Variants in CHAF1B observed in about 807,000 individuals in gnomAD.
CHAF1B encodes CAF-1 subunit B.
In CHAF1B, 10 loss-of-function variants were observed where a neutral mutation model predicts 60.7. That is an observed-to-expected ratio of 0.16 (90% CI 0.10 to 0.28). The LOEUF (loss-of-function observed/expected upper bound fraction) is 0.28. CHAF1B is among the 10% of genes least tolerant of loss of function. CHAF1B has a pLI of 1.00. For synonymous variants in CHAF1B, 261 were observed against 266.1 expected (o/e 0.98, Z 0.19); for missense variants, 558 against 708.4 (o/e 0.79, Z 2.41).
intron 4 of CHAF1B, among the ~76,000 whole-genome samples, chr21:36,393,078 G>A (rs566132460): frequency 7.9e-5 from 12 of 152,320 alleles, no homozygotes; most frequent in East Asian, 7.7e-4. Context: ...CAGGCGTGGC[G>A]GCGTGCGCCT....
chr21:36,416,503 G>T lies in CHAF1B; in HGVS notation c.*137G>T. 1 of 581,244 alleles carries T rather than the reference G, an allele frequency of 1.7e-6. No individual in the cohort carries two copies. The allele number at this position is 581,244 out of a possible 1,614,324, so 36.0% of individuals were successfully genotyped here. On this transcript the variant is annotated 3_prime_UTR_variant, in exon 14 of 14. Coordinates refer to ENST00000314103, the MANE Select transcript of CHAF1B (RefSeq NM_005441.3). Reference sequence around the variant, plus strand: ...TGGATTTCTATAACAGAAGTGACATGTGTACTGATTTTTCTCCAGAAATAT... The same window carrying T: ...TGGATTTCTATAACAGAAGTGACATTTGTACTGATTTTTCTCCAGAAATAT...
rs1457704054 is a variant in CHAF1B at position 36,416,528 on chromosome 21, T to C, written c.*162T>C. 5 of 526,354 alleles carry C rather than the reference T, an allele frequency of 9.5e-6. No individual in the cohort carries two copies. The highest frequency in any genetic ancestry group is 3.8e-5 in the African/African-American group (2 of 53,254). 32.6% of individuals were successfully genotyped at this position (526,354 alleles called of 1,614,324 possible). A position where few individuals can be genotyped will look rare whatever the true frequency, so the allele number is the denominator to read the frequency against. ...GTGTACTGATTTTTCTCCAGAAATA[T>C]GGATGCTGTTGTATTCAGTATCCAT... On this transcript the variant is annotated 3_prime_UTR_variant, in exon 14 of 14. Transcript: ENST00000314103.
At chr21:36,403,477 A>AAT (rs1461289218) in intron 8 of CHAF1B, among the ~76,000 whole-genome samples, 2 of 150,990 alleles carry the variant, frequency 1.3e-5, no homozygotes, top group African/African-American at 4.9e-5. Context: ...AAAAAAAAAA[A>AAT]AAAGAAACTT....
intron 7 of CHAF1B, 60 bp from the exon 8 acceptor site, chr21:36,402,697 TA>T: frequency 7.2e-7 from 1 of 1,384,784 alleles, no homozygotes; most frequent in East Asian, 2.3e-5. Context: ...GAAAAATGTT[TA>T]AGCTTTGTGT....
At chr21:36,404,043 A>G (rs534234307) in intron 8 of CHAF1B, among the ~76,000 whole-genome samples, 33 of 151,744 alleles carry the variant, frequency 2.2e-4, no homozygotes, top group Non-Finnish European at 8.8e-5. Flanking sequence ...TGTTTAGGTT[A>G]TATTTACTAA....
chr21:36,413,376 C>A, intron 12 of CHAF1B, 61 bp downstream of exon 12: 2 of 1,455,758 alleles, frequency 1.4e-6, no homozygotes, highest in Non-Finnish European at 1.8e-6. Flanking sequence ...AGACAGAACG[C>A]TCCCACCCTG....
chr21:36,412,484 C>T (rs577044518), intron 11 of CHAF1B, among the ~76,000 whole-genome samples: 5 of 152,070 alleles, frequency 3.3e-5, no homozygotes, highest in African/African-American at 1.2e-4. Context: ...CTCAGCCTCC[C>T]GAATAGCTGG....
At chr21:36,394,464 C>A in intron 4 of CHAF1B, 83 bp from the exon 5 acceptor site, 1 of 915,668 alleles carries the variant, frequency 1.1e-6, no homozygotes. Flanking sequence ...TCTACCTTGG[C>A]CTCCCAAAGT....
At chr21:36,389,397 G>A (rs1311482563) in intron 3 of CHAF1B, among the ~76,000 whole-genome samples, 1 of 152,062 alleles carries the variant, frequency 6.6e-6, no homozygotes, top group Non-Finnish European at 1.5e-5. Flanking sequence ...TTTGGGGTCA[G>A]GAGTTTGAGA....
At chr21:36,408,460 G>T (rs2086253782) in intron 8 of CHAF1B, among the ~76,000 whole-genome samples, 1 of 152,198 alleles carries the variant, frequency 6.6e-6, no homozygotes, top group Non-Finnish European at 1.5e-5. Flanking sequence ...ATTGCCTGGA[G>T]GCTCAACGGT....
intron 4 of CHAF1B, among the ~76,000 whole-genome samples, chr21:36,392,372 A>T (rs1396689481): frequency 2.6e-5 from 4 of 152,110 alleles, no homozygotes; most frequent in African/African-American, 9.7e-5. Context: ...TTTTCCCCAC[A>T]TTTCCCCTTT....
At chr21:36,412,855 TG>T (rs1489905675) in intron 11 of CHAF1B, 28 bp from the exon 12 acceptor site, 49 of 1,595,632 alleles carry the variant, frequency 3.1e-5, no homozygotes, top group Non-Finnish European at 4.0e-5. Context: ...TGGTAAGGTC[TG>T]TAACTTTTCC....
intron 5 of CHAF1B, 92 bp from the exon 6 acceptor site, chr21:36,397,323 G>A: frequency 1.9e-6 from 1 of 524,832 alleles, no homozygotes; most frequent in Non-Finnish European, 3.3e-6. Context: ...CGTGGTAAAG[G>A]GAATAATATT....
chr21:36,406,628 G>A (rs374731467), intron 8 of CHAF1B, among the ~76,000 whole-genome samples: 14 of 152,146 alleles, frequency 9.2e-5, no homozygotes, highest in African/African-American at 2.9e-4. Flanking sequence ...ATGTAGTTGT[G>A]TATGACATGA....
intron 8 of CHAF1B, among the ~76,000 whole-genome samples, chr21:36,404,914 T>G (rs1396540532): frequency 2.6e-5 from 4 of 151,282 alleles, no homozygotes; most frequent in Non-Finnish European, 5.9e-5. Context: ...CAGATAATTT[T>G]TGTATTTTTA....
At chr21:36,415,768 TTTGAGATGCAGTC>T (rs1248916323) in intron 13 of CHAF1B, 3 of 418,728 alleles carry the variant, frequency 7.2e-6, no homozygotes, top group Non-Finnish European at 1.4e-5. Context: ...TTTTCTTTTT[TTTGAGATGCAGTC>T]TTGCTCTGTC....
chr21:36,406,217 A>G (rs886698117), intron 8 of CHAF1B, among the ~76,000 whole-genome samples: 28 of 152,236 alleles, frequency 1.8e-4, no homozygotes, highest in African/African-American at 6.5e-4. Context: ...CAAGAGAATT[A>G]GACACTGAAG....
At chr21:36,401,209 G>A (rs189342403) in intron 7 of CHAF1B, among the ~76,000 whole-genome samples, 28 of 151,546 alleles carry the variant, frequency 1.8e-4, no homozygotes, top group Admixed American at 1.8e-3. Flanking sequence ...GGAGTTTGCG[G>A]TGAGCCGAGA....
In CHAF1B at chr21:36,412,932, C is replaced by T. The variant is rs1416634554; in HGVS notation, c.1110C>T (p.Cys370=). 7 of 1,614,190 alleles carry T rather than the reference C, an allele frequency of 4.3e-6. No individual in the cohort carries two copies. Among genetic ancestry groups the T allele is most frequent in the South Asian group, 1.1e-5 (1 of 91,078 alleles). Reference sequence around the variant, plus strand: ...CCATTTCTTCCACGGACGGTTACTGCTCATTTGTGACATTTGAGAAAGATG... The same window carrying T: ...CCATTTCTTCCACGGACGGTTACTGTTCATTTGTGACATTTGAGAAAGATG... ...FLAISSTDGY[C]SFVTFEKDEL... is the part of the protein sequence containing the mutation. Residue 370 remains cysteine, a synonymous_variant, in exon 12 of 14, where the codon TGC becomes TGT. Coordinates refer to ENST00000314103, the MANE Select transcript of CHAF1B (RefSeq NM_005441.3).
Sources: allele counts gnomAD v4.1 joint callset (sites outside exome capture counted in the v4.1 genomes callset), GRCh38; gene constraint gnomAD v4.1.1; transcripts MANE v1.5; gene names NCBI Gene and HGNC (gene_info 2026-07-23, HGNC 2026-07-21).